The following AP1M2 variants were observed in gnomAD, a reference collection of about 807,000 sequenced individuals.
AP1M2 encodes AP-1 complex subunit mu-2.
AP1M2 carries 41 observed loss-of-function variants against 54.6 expected under a neutral mutation model. That is an observed-to-expected ratio of 0.75 (90% CI 0.59 to 0.97). The LOEUF is 0.97. Among genes scored for constraint, AP1M2 ranks in the 50% least tolerant of loss-of-function variants. AP1M2 has a pLI of 0.00. For synonymous variants in AP1M2, 219 were observed against 215.9 expected (o/e 1.01, Z -0.13); for missense variants, 507 against 561.2 (o/e 0.90, Z 0.98).
At chr19:10,577,138 GC>G in intron 9 of AP1M2, 59 bp downstream of exon 9, 2 of 1,539,444 alleles carry the variant, frequency 1.3e-6, no homozygotes, top group Non-Finnish European at 1.8e-6. Flanking sequence ...CTCCTGGGCA[GC>G]CCCCACACTA....
intron 10 of AP1M2, 50 bp downstream of exon 10, chr19:10,574,854 G>C: frequency 6.4e-7 from 1 of 1,560,516 alleles, no homozygotes; most frequent in African/African-American, 1.4e-5. Context: ...CAGGAGAGAG[G>C]GGAACCCACC....
chr19:10,577,960 G>A (rs965025392), intron 8 of AP1M2, among the ~76,000 whole-genome samples: 1 of 151,826 alleles, frequency 6.6e-6, no homozygotes, highest in Non-Finnish European at 1.5e-5. Context: ...GGTCTGGAAC[G>A]CCTGACCTCA....
intron 11 of AP1M2, 178 bp downstream of exon 11, chr19:10,574,239 C>T (rs1334754277): frequency 9.4e-6 from 5 of 532,540 alleles, no homozygotes; most frequent in African/African-American, 4.0e-5. Flanking sequence ...AGGTTGGTCT[C>T]GAACTCCCGG....
At chr19:10,574,784 G>A (rs1917170606) in intron 10 of AP1M2, 120 bp downstream of exon 10, 1 of 1,327,116 alleles carries the variant, frequency 7.5e-7, no homozygotes, top group Middle Eastern at 2.7e-4. Flanking sequence ...GGAAAGACCA[G>A]GCAGCCTTCA....
chr19:10,573,131 GA>G (rs781650378), intron 11 of AP1M2, 43 bp from the exon 12 acceptor site: 153 of 1,542,336 alleles, frequency 9.9e-5, no homozygotes, highest in Non-Finnish European at 1.2e-4. Context: ...GAAATGGGGA[GA>G]GGGGGGCCGG....
At chr19:10,583,242 C>T (rs527712563) in intron 3 of AP1M2, among the ~76,000 whole-genome samples, 3 of 152,108 alleles carry the variant, frequency 2.0e-5, no homozygotes, top group Admixed American at 6.6e-5. Context: ...GAGCCGTATG[C>T]TCTCTGAGAC....
At chr19:10,580,724 C>T (rs146020942) in intron 6 of AP1M2, among the ~76,000 whole-genome samples, 2 of 151,966 alleles carry the variant, frequency 1.3e-5, no homozygotes, top group African/African-American at 2.4e-5. Flanking sequence ...CACCTGTAAT[C>T]CTAGCACTTT....
At chr19:10,576,455 G>A (rs1389927635) in intron 9 of AP1M2, among the ~76,000 whole-genome samples, 1 of 151,646 alleles carries the variant, frequency 6.6e-6, no homozygotes, top group African/African-American at 2.4e-5. Flanking sequence ...GTAGAGATGG[G>A]GTTTCACCAT....
intron 3 of AP1M2, 159 bp downstream of exon 3, chr19:10,583,447 C>A: frequency 3.7e-6 from 2 of 540,534 alleles, no homozygotes; most frequent in Non-Finnish European, 6.6e-6. Flanking sequence ...CCAGCCTGGG[C>A]AATATAGCAA....
Position 10,578,883 on chromosome 19 carries a change from A to T in AP1M2, c.888+9T>A. ...ATGCATTGTTAATAAGCATTCCCCC[A>T]AGGCCCACCTTGACCATGATCTCCA... On this transcript the variant is annotated intron_variant, in intron 8 of 11. Transcript: ENST00000250244. The T allele has an allele frequency of 6.2e-7, 1 of 1,603,542 alleles. No individual in the cohort carries two copies. The highest frequency in any genetic ancestry group is 8.5e-7 in the Non-Finnish European group (1 of 1,174,898).
intron 11 of AP1M2, among the ~76,000 whole-genome samples, chr19:10,573,706 G>C (rs906874017): frequency 5.1e-5 from 7 of 136,466 alleles, no homozygotes; most frequent in African/African-American, 1.9e-4. Flanking sequence ...CTCTTGCCCA[G>C]GATGGAGTGC....
intron 6 of AP1M2, among the ~76,000 whole-genome samples, chr19:10,580,400 G>A (rs745584963): frequency 2.0e-5 from 3 of 151,910 alleles, no homozygotes; most frequent in East Asian, 2.0e-4. Context: ...GGTGGCTCAC[G>A]CCTGTAATCC....
At chr19:10,580,968 A>G (rs138760694) in intron 6 of AP1M2, among the ~76,000 whole-genome samples, 2 of 152,224 alleles carry the variant, frequency 1.3e-5, no homozygotes, top group Non-Finnish European at 2.9e-5. Flanking sequence ...ATAAATAAAT[A>G]AATAAGATGC....
chr19:10,585,880 C>A (rs1482964264), intron 1 of AP1M2, among the ~76,000 whole-genome samples: 1 of 151,996 alleles, frequency 6.6e-6, no homozygotes, highest in Non-Finnish European at 1.5e-5. Context: ...CACCTGTCAT[C>A]CGAACACTTT....
intron 11 of AP1M2, 73 bp downstream of exon 11, chr19:10,574,344 G>T: frequency 2.4e-6 from 3 of 1,237,952 alleles, no homozygotes; most frequent in Non-Finnish European, 3.4e-6. Flanking sequence ...GAGCCAGAAT[G>T]TGGTGAAAGC....
chr19:10,585,807 T>C (rs889677094), intron 1 of AP1M2, among the ~76,000 whole-genome samples: 2 of 152,056 alleles, frequency 1.3e-5, no homozygotes, highest in African/African-American at 2.4e-5. Flanking sequence ...ATGGGAATAT[T>C]ATTTTCACCA....
At chr19:10,585,290 A>AGAAAGAAAGAAGGAAGGAAG (rs1568434726) in intron 1 of AP1M2, among the ~76,000 whole-genome samples, 6,934 of 82,714 alleles carry the variant, frequency 0.084, 579 homozygotes, top group Non-Finnish European at 0.12. Flanking sequence ...AAAAAAAGAA[A>AGAAAGAAAGAAGGAAGGAAG]GAAAGAAAGA....
rs374316308 is a variant in AP1M2, at chr19:10,583,957, G to A, written c.156C>T (p.His52=). 2.7e-5 allele frequency: 44 copies of A among 1,603,056 alleles called. No homozygotes were observed. The highest frequency in any genetic ancestry group is 3.4e-5 in the Admixed American group (2 of 58,000). ...EEGALAPLLS[H]GQVHFLWIKH... ...TGATCCATAGGAAGTGGACCTGGCCGTGGCTCAGCAGCGGGGCCAGGGCGC... is the reference window on the plus strand; with the variant it reads ...TGATCCATAGGAAGTGGACCTGGCCATGGCTCAGCAGCGGGGCCAGGGCGC... Residue 52 remains histidine (H), a synonymous_variant, in exon 2 of 12, where the codon CAC becomes CAT. Coordinates refer to ENST00000250244, the MANE Select transcript of AP1M2 (RefSeq NM_005498.5).
intron 10 of AP1M2, 50 bp downstream of exon 10, chr19:10,574,854 G>T: frequency 1.3e-6 from 2 of 1,560,514 alleles, no homozygotes; most frequent in South Asian, 2.4e-5. Flanking sequence ...CAGGAGAGAG[G>T]GGAACCCACC....
Sources: gnomAD v4.1 joint callset for allele counts (sites outside exome capture counted in the v4.1 genomes callset) on GRCh38, gnomAD v4.1.1 for gene constraint, MANE v1.5 for transcripts, NCBI Gene and HGNC (gene_info 2026-07-23, HGNC 2026-07-21) for gene names.